EXOC6: variants seen among roughly 807,000 people sequenced by gnomAD.
EXOC6 encodes SEC15-like 1.
A neutral mutation model predicts 112.5 loss-of-function variants in EXOC6; 60 were observed. That is an observed-to-expected ratio of 0.53 (90% confidence interval 0.43 to 0.66). The LOEUF (loss-of-function observed/expected upper bound fraction) is 0.66, where lower values mean the gene tolerates loss of function less well. EXOC6 is among the 30% of genes least tolerant of loss of function. EXOC6 has a pLI of 0.00. For synonymous variants in EXOC6, 295 were observed against 308.0 expected (o/e 0.96, Z 0.44); for missense variants, 855 against 957.1 (o/e 0.89, Z 1.41).
chr10:92,834,862 G>C (rs758945887), intron 1 of EXOC6: 1 of 1,262,316 alleles, frequency 7.9e-7, no homozygotes, highest in Non-Finnish European at 1.1e-6. Context: ...CTTCTTTAGC[G>C]GTGATAAGGT....
At chr10:92,866,744 A>G (rs1405293719) in intron 1 of EXOC6, among the ~76,000 whole-genome samples, 4 of 152,134 alleles carry the variant, frequency 2.6e-5, no homozygotes, top group African/African-American at 2.4e-5. Context: ...AGAAATAGCT[A>G]TTTTTAAAAA....
At chr10:92,860,213 G>T (rs1847839404) in intron 1 of EXOC6, among the ~76,000 whole-genome samples, 1 of 149,216 alleles carries the variant, frequency 6.7e-6, no homozygotes, top group African/African-American at 2.5e-5. Context: ...AAGTTATTTG[G>T]CATTAAGTAC....
chr10:92,940,837 C>T lies in EXOC6; in HGVS notation c.1310+13C>T. The T allele has an allele frequency of 6.6e-7, 1 of 1,508,444 alleles. No individual in the cohort carries two copies. The highest frequency in any genetic ancestry group is 9.2e-7 in the Non-Finnish European group (1 of 1,089,740). 93.4% of individuals were successfully genotyped at this position (1,508,444 alleles called of 1,614,324 possible). On this transcript the variant is annotated intron_variant, in intron 13 of 21. Transcript: ENST00000260762. ...CTGGAGTTTTCAGGTTAGTCTAAGT[C>T]ATGGTGCCTTAATATAATGAATATG...
At chr10:92,853,071 G>A (rs1423467332) in intron 1 of EXOC6, among the ~76,000 whole-genome samples, 1 of 152,084 alleles carries the variant, frequency 6.6e-6, no homozygotes, top group Admixed American at 6.5e-5. Context: ...GGAATCAGGT[G>A]GATATGCAAA....
At chr10:92,861,947 T>C (rs550791190) in intron 1 of EXOC6, among the ~76,000 whole-genome samples, 19 of 152,334 alleles carry the variant, frequency 1.2e-4, no homozygotes, top group African/African-American at 4.6e-4. Flanking sequence ...ATTCCAGAAG[T>C]GTATCCCCCT....
At chr10:92,975,530 G>T (rs1267974051) in intron 18 of EXOC6, among the ~76,000 whole-genome samples, 3 of 148,322 alleles carry the variant, frequency 2.0e-5, no homozygotes, top group Non-Finnish European at 4.5e-5. Flanking sequence ...GAGGTGGGGG[G>T]GTCAGCCCCC....
At chr10:92,878,505 A>G (rs896882846) in intron 1 of EXOC6, among the ~76,000 whole-genome samples, 9 of 152,074 alleles carry the variant, frequency 5.9e-5, no homozygotes, top group African/African-American at 1.9e-4. Context: ...GAGCACACAC[A>G]GTGTGTTTAG....
At chr10:92,969,365 C>A (rs1205813553) in intron 17 of EXOC6, among the ~76,000 whole-genome samples, 1 of 152,142 alleles carries the variant, frequency 6.6e-6, no homozygotes, top group East Asian at 1.9e-4. Context: ...GTCTTATTGC[C>A]AGCCTTCAAG....
intron 18 of EXOC6, among the ~76,000 whole-genome samples, chr10:92,995,197 A>T (rs535131885): frequency 2.1e-4 from 32 of 152,122 alleles, no homozygotes; most frequent in Middle Eastern, 3.4e-3. Flanking sequence ...ATAAAGAGCT[A>T]AATTTGTGTG....
intron 8 of EXOC6, among the ~76,000 whole-genome samples, chr10:92,923,467 T>A (rs866668248): frequency 6.6e-6 from 1 of 152,186 alleles, no homozygotes; most frequent in Non-Finnish European, 1.5e-5. Context: ...AGGTCTCTTA[T>A]GAGATTCTAG....
At chr10:92,971,702 A>G (rs1018854868) in intron 17 of EXOC6, among the ~76,000 whole-genome samples, 1 of 151,980 alleles carries the variant, frequency 6.6e-6, no homozygotes, top group Non-Finnish European at 1.5e-5. Context: ...TATATTCCCT[A>G]TTTATTGATG....
intron 5 of EXOC6, among the ~76,000 whole-genome samples, chr10:92,903,291 T>G (rs185798906): frequency 2.8e-3 from 425 of 152,184 alleles, no homozygotes; most frequent in African/African-American, 9.4e-3. Flanking sequence ...AGTTGAGCCA[T>G]TTTGGTAAGT....
At chr10:92,928,022 A>T (rs1265718045) in intron 8 of EXOC6, among the ~76,000 whole-genome samples, 1 of 152,184 alleles carries the variant, frequency 6.6e-6, no homozygotes, top group African/African-American at 2.4e-5. Flanking sequence ...TTTGAAGCTA[A>T]TCTTTCACTG....
intron 18 of EXOC6, among the ~76,000 whole-genome samples, chr10:92,977,208 A>T (rs183232365): frequency 7.5e-4 from 114 of 152,272 alleles, no homozygotes; most frequent in African/African-American, 2.6e-3. Flanking sequence ...TGCTAGGCAT[A>T]AGTAGGTTAA....
At chr10:92,975,191 A>G (rs1842468073) in intron 18 of EXOC6, among the ~76,000 whole-genome samples, 1 of 147,486 alleles carries the variant, frequency 6.8e-6, no homozygotes, top group African/African-American at 2.5e-5. Context: ...CCATCGTCTG[A>G]GATGTGGGGA....
In EXOC6 at chr10:92,915,830, A is replaced by C; in HGVS notation, c.736A>C (p.Ile246Leu). The C allele has an allele frequency of 1.3e-6, 2 of 1,543,212 alleles. No individual in the cohort carries two copies. Among genetic ancestry groups the C allele is most frequent in the Non-Finnish European group, 1.7e-6 (2 of 1,153,216 alleles). ...NKMKFGKNMY[I>L]NRDRIPEERN... is the part of the protein sequence containing the mutation. ...AATGAAATTTGGGAAAAATATGTAT[A>C]TAAATCGTGATAGAATTCCAGAGGA... Residue 246 changes from isoleucine (I) to leucine (L), a missense_variant, in exon 7 of 22, where the codon ATA (isoleucine) becomes CTA (leucine). Ile to Leu is a conservative substitution (Grantham distance 5, BLOSUM62 2). Around this residue, in one of 2 missense-constraint regions of EXOC6, gnomAD observed 405 missense variants for 393.6 expected, o/e 1.03. Coordinates refer to ENST00000260762, the MANE Select transcript of EXOC6 (RefSeq NM_019053.6).
intron 7 of EXOC6, among the ~76,000 whole-genome samples, chr10:92,919,702 A>G (rs537502207): frequency 2.0e-5 from 3 of 152,306 alleles, no homozygotes; most frequent in South Asian, 4.1e-4. Context: ...TCTGTAATCT[A>G]TCATACATAT....
At chr10:92,831,260 G>C (rs187424445), upstream of EXOC6, 1 of 1,184,254 alleles carries the variant, frequency 8.4e-7, no homozygotes, top group Non-Finnish European at 1.1e-6. Flanking sequence ...GAAGCAACTG[G>C]GCCACCAGGA....
At chr10:92,850,479 T>C (rs1439085172) in intron 1 of EXOC6, among the ~76,000 whole-genome samples, 4 of 152,260 alleles carry the variant, frequency 2.6e-5, no homozygotes, top group Non-Finnish European at 5.9e-5. Flanking sequence ...CAGTCTTTTC[T>C]CTTGAACATT....
Sources: gnomAD v4.1 joint callset for allele counts (sites outside exome capture counted in the v4.1 genomes callset) on GRCh38, gnomAD v4.1.1 for gene constraint, gnomAD v4.1.1 regional missense constraint, MANE v1.5 for transcripts, NCBI Gene and HGNC (gene_info 2026-07-23, HGNC 2026-07-21) for gene names.